The following SYT16 variants were observed in gnomAD, a reference collection of about 807,000 sequenced individuals.
The protein encoded by SYT16 is synaptotagmin 16, also known as synaptotagmin-16.
In SYT16, 42 loss-of-function variants were observed where a neutral mutation model predicts 61.4. That is an observed-to-expected ratio of 0.68 (90% CI 0.53 to 0.89). The LOEUF (loss-of-function observed/expected upper bound fraction) is 0.89, where lower values mean the gene tolerates loss of function less well. SYT16 is among the 40% of genes least tolerant of loss of function. The probability of loss-of-function intolerance (pLI) is 0.00; values close to 1 mark genes in which losing one functional copy is unlikely to be tolerated. For synonymous variants in SYT16, 314 were observed against 302.3 expected (o/e 1.04, Z -0.40); for missense variants, 804 against 807.3 (o/e 1.00, Z 0.05).
intron 3 of SYT16, among the ~76,000 whole-genome samples, chr14:62,044,469 A>G (rs942719700): frequency 2.0e-5 from 3 of 151,534 alleles, no homozygotes; most frequent in African/African-American, 7.3e-5. Flanking sequence ...CACCCCCAAC[A>G]GGCCCTGGTG....
chr14:61,822,619 G>T lies in SYT16; in HGVS notation c.-325+9809G>T, dbSNP rs2045651571. ...CACTGTAGAAACAATGGCGCTGGAA[G>T]GGTAATTTTTGGTGTTTGAGCTGCT... On this transcript the variant is annotated intron_variant, in intron 1 of 7. Coordinates refer to ENST00000683842, the MANE Select transcript of SYT16 (RefSeq NM_001367656.1). Among the ~76,000 whole-genome samples, 8 of 152,336 alleles carry T rather than the reference G, an allele frequency of 5.3e-5. No homozygotes were observed. The South Asian group carries it at 1.7e-3, about 32-fold the overall frequency.
intron 3 of SYT16, among the ~76,000 whole-genome samples, chr14:62,005,591 A>G (rs77258316): frequency 0.02 from 3,039 of 152,264 alleles, 53 homozygotes; most frequent in Non-Finnish European, 0.029. Flanking sequence ...ATGACTTTGA[A>G]TTCCACCCAC....
intron 1 of SYT16, among the ~76,000 whole-genome samples, chr14:61,958,673 G>T (rs766000888): frequency 6.6e-6 from 1 of 151,990 alleles, no homozygotes; most frequent in Non-Finnish European, 1.5e-5. Context: ...GACCTAGCAT[G>T]TTATCCATGC....
intron 1 of SYT16, among the ~76,000 whole-genome samples, chr14:61,863,962 A>G (rs61506071): frequency 0.053 from 7,994 of 152,128 alleles, 496 homozygotes; most frequent in African/African-American, 0.15. Flanking sequence ...GTTTTATTCT[A>G]TTGATCGATT....
At chr14:62,049,238 C>A (rs1386459997) in intron 3 of SYT16, among the ~76,000 whole-genome samples, 1 of 152,160 alleles carries the variant, frequency 6.6e-6, no homozygotes, top group Non-Finnish European at 1.5e-5. Flanking sequence ...TAATGGCCTT[C>A]TTTGTCTCTT....
intron 1 of SYT16, chr14:61,864,966 C>A: frequency 7.4e-7 from 1 of 1,350,758 alleles, no homozygotes; most frequent in South Asian, 1.2e-5. Context: ...CTGAAAATTG[C>A]TGCGAGTCTG....
intron 1 of SYT16, among the ~76,000 whole-genome samples, chr14:61,950,798 T>C (rs2050639705): frequency 6.6e-6 from 1 of 152,152 alleles, no homozygotes; most frequent in Non-Finnish European, 1.5e-5. Flanking sequence ...TTATGGTGTC[T>C]TTTTTTGTAA....
At chr14:61,863,084 C>T (rs1594779772) in intron 1 of SYT16, among the ~76,000 whole-genome samples, 1 of 152,176 alleles carries the variant, frequency 6.6e-6, no homozygotes, top group South Asian at 2.1e-4. Flanking sequence ...TATAAACATT[C>T]ATGTGCAGTT....
intron 1 of SYT16, among the ~76,000 whole-genome samples, chr14:61,903,822 G>T (rs926212456): frequency 3.9e-5 from 6 of 152,150 alleles, no homozygotes; most frequent in African/African-American, 1.2e-4. Context: ...CATGATTCTT[G>T]CTAGCTGCCA....
Position 62,014,622 on chromosome 14 carries a change from C to T in SYT16, c.523+18080C>T, listed in dbSNP as rs577490966. On this transcript the variant is annotated intron_variant, in intron 3 of 7. Coordinates refer to ENST00000683842, the MANE Select transcript of SYT16 (RefSeq NM_001367656.1). Reference sequence around the variant, plus strand: ...CTAATTTTTGTATTTTCAGTAGAGACGGGGTTTCACCATGTTGGCCAGGCT... The same window carrying T: ...CTAATTTTTGTATTTTCAGTAGAGATGGGGTTTCACCATGTTGGCCAGGCT... 2.0e-4 allele frequency among the ~76,000 whole-genome samples: 31 copies of T among 152,012 alleles called. No homozygotes were observed. The East Asian group carries it at 4.5e-3, about 22-fold the overall frequency.
chr14:62,036,706 A>G (rs1319800394), intron 3 of SYT16, among the ~76,000 whole-genome samples: 1 of 152,132 alleles, frequency 6.6e-6, no homozygotes, highest in Non-Finnish European at 1.5e-5. Flanking sequence ...TTATAAAACT[A>G]TCAGCTCTCA....
chr14:61,966,305 G>C (rs2051312969), intron 1 of SYT16, among the ~76,000 whole-genome samples: 2 of 151,730 alleles, frequency 1.3e-5, no homozygotes, highest in Admixed American at 1.3e-4. Flanking sequence ...ATAAGCATAT[G>C]AAATAGTATA....
chr14:61,884,885 A>G (rs2047840554), intron 1 of SYT16, among the ~76,000 whole-genome samples: 1 of 152,190 alleles, frequency 6.6e-6, no homozygotes, highest in African/African-American at 2.4e-5. Context: ...ACAGCATTGA[A>G]AAGTCTCCAG....
At chr14:61,924,817 TGACA>T (rs756761524) in intron 1 of SYT16, among the ~76,000 whole-genome samples, 1 of 152,224 alleles carries the variant, frequency 6.6e-6, no homozygotes, top group Non-Finnish European at 1.5e-5. Context: ...CAGCCACAAG[TGACA>T]GACAACCCCA....
chr14:61,835,147 A>C (rs915978805), intron 1 of SYT16, among the ~76,000 whole-genome samples: 2 of 152,174 alleles, frequency 1.3e-5, no homozygotes, highest in Non-Finnish European at 2.9e-5. Context: ...AAAAACAGTT[A>C]ATAGGCTGCT....
At chr14:62,003,952 G>A (rs1470743924) in intron 3 of SYT16, among the ~76,000 whole-genome samples, 1 of 152,136 alleles carries the variant, frequency 6.6e-6, no homozygotes, top group Non-Finnish European at 1.5e-5. Flanking sequence ...GAAATGTCGT[G>A]AATGCTGACA....
intron 5 of SYT16, chr14:62,079,318 A>C: frequency 1.7e-6 from 2 of 1,150,826 alleles, no homozygotes; most frequent in Non-Finnish European, 2.2e-6. Flanking sequence ...TTATTTTACA[A>C]GAAATCTAAA....
intron 3 of SYT16, among the ~76,000 whole-genome samples, chr14:62,046,670 A>G (rs1340609221): frequency 1.3e-5 from 2 of 152,218 alleles, no homozygotes; most frequent in Admixed American, 6.5e-5. Flanking sequence ...CTTTCTACAT[A>G]TGGTTAGCCA....
intron 1 of SYT16, among the ~76,000 whole-genome samples, chr14:61,928,815 T>G (rs2049640966): frequency 6.6e-6 from 1 of 152,194 alleles, no homozygotes; most frequent in African/African-American, 2.4e-5. Context: ...ACACACAGCT[T>G]GTTCTCAGGA....
Sources: allele counts gnomAD v4.1 joint callset (sites outside exome capture counted in the v4.1 genomes callset), GRCh38; gene constraint gnomAD v4.1.1; transcripts MANE v1.5; gene names NCBI Gene and HGNC (gene_info 2026-07-23, HGNC 2026-07-21).